Variants in PTGER3 observed in about 807,000 individuals in gnomAD.
PTGER3 encodes the protein prostaglandin E receptor 3, also known as prostaglandin E2 receptor EP3 subtype.
A neutral mutation model predicts 34.7 loss-of-function variants in PTGER3; 22 were observed. That is an observed-to-expected ratio of 0.63 (90% CI 0.45 to 0.91). The LOEUF is 0.91. PTGER3 is among the 40% of genes least tolerant of loss of function. PTGER3 has a pLI of 0.00. For missense variants in PTGER3, 468 were observed against 519.4 expected (o/e 0.90, Z 0.96); for synonymous variants, 241 against 230.1 (o/e 1.05, Z -0.43).
At chr1:70,997,982 A>T (rs920519661) in intron 2 of PTGER3, among the ~76,000 whole-genome samples, 2 of 152,216 alleles carry the variant, frequency 1.3e-5, no homozygotes, top group African/African-American at 2.4e-5. Flanking sequence ...CAGGGAACTC[A>T]TTATTGCTTA....
At chr1:70,937,800 A>T (rs1649363427) in intron 4 of PTGER3, among the ~76,000 whole-genome samples, 1 of 152,206 alleles carries the variant, frequency 6.6e-6, no homozygotes, top group Non-Finnish European at 1.5e-5. Flanking sequence ...CTTTTAAAGA[A>T]ATAAAAGTTA....
chr1:71,047,657 G>A lies in PTGER3; in HGVS notation c.-80C>T. On this transcript the variant is annotated 5_prime_UTR_variant, in exon 1 of 4. Transcript: ENST00000306666. ...CAGACGCGGCGCGGGCGGCGGCGGA[G>A]GTCGGCGTTTACCGCGGCTGGGGCT... 7.0e-7 allele frequency: 1 copy of A among 1,433,342 alleles called. No homozygotes were observed. 88.8% of individuals were successfully genotyped at this position (1,433,342 alleles called of 1,614,324 possible).
intron 3 of PTGER3, 47 bp from the exon 4 acceptor site, chr1:70,971,780 A>T (rs767350517): frequency 1.0e-5 from 14 of 1,366,642 alleles, no homozygotes; most frequent in South Asian, 9.7e-5. Flanking sequence ...GATGGGGATT[A>T]TTTTTTTTAA....
intron 4 of PTGER3, among the ~76,000 whole-genome samples, chr1:70,879,980 C>A (rs1646355504): frequency 6.6e-6 from 1 of 151,930 alleles, no homozygotes; most frequent in Admixed American, 6.6e-5. Context: ...GCAGTCCCAG[C>A]TACTTGGGAG....
At chr1:70,982,867 A>G (rs961237783) in intron 2 of PTGER3, among the ~76,000 whole-genome samples, 10 of 152,144 alleles carry the variant, frequency 6.6e-5, no homozygotes, top group Non-Finnish European at 1.3e-4. Flanking sequence ...AGAGTTGTTA[A>G]TTGGCTTAAT....
intron 4 of PTGER3, chr1:70,886,419 C>A: frequency 3.1e-6 from 1 of 319,192 alleles, no homozygotes; most frequent in Non-Finnish European, 6.6e-6. Flanking sequence ...GATACAATAC[C>A]AATGGAGAGT....
At chr1:70,946,755 A>G (rs536640801) in intron 4 of PTGER3, among the ~76,000 whole-genome samples, 2 of 152,184 alleles carry the variant, frequency 1.3e-5, no homozygotes, top group Admixed American at 1.3e-4. Flanking sequence ...TGACACTTCT[A>G]TTTCCAATTG....
intron 1 of PTGER3, among the ~76,000 whole-genome samples, chr1:71,043,692 C>A (rs932693900): frequency 2.0e-5 from 3 of 152,174 alleles, no homozygotes; most frequent in Non-Finnish European, 4.4e-5. Context: ...ATTCAATTCA[C>A]TAAATTCTAG....
chr1:70,887,590 A>G (rs2100251920), intron 4 of PTGER3, among the ~76,000 whole-genome samples: 1 of 152,014 alleles, frequency 6.6e-6, no homozygotes, highest in East Asian at 1.9e-4. Flanking sequence ...AGGTTCTAAT[A>G]TGATAGATTT....
chr1:70,922,262 T>C (rs1572654244), intron 4 of PTGER3, among the ~76,000 whole-genome samples: 1 of 152,304 alleles, frequency 6.6e-6, no homozygotes, highest in East Asian at 1.9e-4. Flanking sequence ...TCTTCTATGG[T>C]AAATTCTTGT....
intron 4 of PTGER3, among the ~76,000 whole-genome samples, chr1:70,918,140 A>G (rs1432932261): frequency 6.6e-6 from 1 of 152,060 alleles, no homozygotes; most frequent in African/African-American, 2.4e-5. Flanking sequence ...CACAAGACAT[A>G]CTGGGGAAAG....
chr1:71,005,811 C>A, intron 2 of PTGER3: 3 of 943,354 alleles, frequency 3.2e-6, no homozygotes, highest in Non-Finnish European at 3.8e-6. Context: ...GTAGGTTTAC[C>A]AGCATGATGG....
intron 2 of PTGER3, among the ~76,000 whole-genome samples, chr1:70,981,208 GC>G (rs1336514784): frequency 2.6e-5 from 4 of 151,712 alleles, no homozygotes; most frequent in African/African-American, 2.4e-5. Context: ...TCCAACTCCA[GC>G]CTACACACTC....
intron 4 of PTGER3, among the ~76,000 whole-genome samples, chr1:70,903,807 G>A (rs923132173): frequency 1.3e-5 from 2 of 152,154 alleles, no homozygotes; most frequent in African/African-American, 4.8e-5. Context: ...AATTATCCTG[G>A]GTTTCAGCTA....
In PTGER3 at chr1:70,970,994, C is replaced by A. The variant is rs1213864338; in HGVS notation, c.*736G>T. On this transcript the variant is annotated 3_prime_UTR_variant, in exon 4 of 4. Coordinates refer to ENST00000306666, the MANE Select transcript of PTGER3 (RefSeq NM_198719.2). Reference sequence around the variant, plus strand: ...TTTTTTTATCACTCTAACTGCGCAGCTAATCATTCAACCTCAAATTTGTTT... The same window carrying A: ...TTTTTTTATCACTCTAACTGCGCAGATAATCATTCAACCTCAAATTTGTTT... 1 of 985,202 alleles carries A rather than the reference C, an allele frequency of 1.0e-6. No homozygotes were observed. The highest frequency in any genetic ancestry group is 1.2e-6 in the Non-Finnish European group (1 of 829,920). 61.0% of individuals were successfully genotyped at this position (985,202 alleles called of 1,614,324 possible).
At chr1:70,864,084 A>G (rs1645988956) in intron 4 of PTGER3, among the ~76,000 whole-genome samples, 1 of 152,082 alleles carries the variant, frequency 6.6e-6, no homozygotes, top group Non-Finnish European at 1.5e-5. Context: ...AAAAATCTAC[A>G]TGTTAAATTT....
At chr1:70,897,227 T>C (rs1240218383) in intron 4 of PTGER3, among the ~76,000 whole-genome samples, 1 of 152,228 alleles carries the variant, frequency 6.6e-6, no homozygotes, top group East Asian at 1.9e-4. Flanking sequence ...TATGCTAGAA[T>C]GCACTGGTGT....
chr1:71,016,957 T>C (rs1362426072), intron 1 of PTGER3, among the ~76,000 whole-genome samples: 2 of 152,184 alleles, frequency 1.3e-5, no homozygotes, highest in Non-Finnish European at 2.9e-5. Context: ...TACATCAATA[T>C]ATTCTGATGC....
chr1:70,977,295 C>A (rs1653800107), intron 2 of PTGER3, among the ~76,000 whole-genome samples: 1 of 152,034 alleles, frequency 6.6e-6, no homozygotes, highest in Non-Finnish European at 1.5e-5. Flanking sequence ...GGATCCTGTG[C>A]CATTTATGGT....
Sources: gnomAD v4.1 joint callset for allele counts (sites outside exome capture counted in the v4.1 genomes callset) on GRCh38, gnomAD v4.1.1 for gene constraint, MANE v1.5 for transcripts, NCBI Gene and HGNC (gene_info 2026-07-23, HGNC 2026-07-21) for gene names.